ALG6: variants seen among roughly 807,000 people sequenced by gnomAD.
The protein encoded by ALG6 is dolichyl pyrophosphate Man9GlcNAc2 alpha-1,3-glucosyltransferase.
In ALG6, 46 loss-of-function variants were observed where a neutral mutation model predicts 66.6. The ratio of observed to expected loss-of-function variants is 0.69; its 90% CI spans 0.55 to 0.88. The LOEUF is 0.88. ALG6 is among the 40% of genes least tolerant of loss of function. The pLI, the probability that ALG6 is intolerant of heterozygous loss-of-function variation, is 0.00. For synonymous variants in ALG6, 185 were observed against 203.7 expected (o/e 0.91, Z 0.78); for missense variants, 505 against 586.8 (o/e 0.86, Z 1.44).
intron 2 of ALG6, among the ~76,000 whole-genome samples, chr1:63,381,176 C>T (rs35713007): frequency 0.14 from 20,770 of 151,800 alleles, 1,543 homozygotes; most frequent in Middle Eastern, 0.25. Flanking sequence ...AAAAATTGGC[C>T]AGGCGCGGTG....
At chr1:63,394,620 G>A (rs1648764997) in intron 2 of ALG6, among the ~76,000 whole-genome samples, 1 of 151,960 alleles carries the variant, frequency 6.6e-6, no homozygotes, top group African/African-American at 2.4e-5. Flanking sequence ...CACCCACCTC[G>A]GCCTCCCAAA....
At position 63,422,047 on chromosome 1, in the gene ALG6, A is replaced by ATATATAAATATCTATTTATATAAATATC. The variant is rs1557594653; in HGVS notation, c.1058+2618_1058+2645dup. ...ATACATATATGTATATATATAATTT[A>ATATATAAATATCTATTTATATAAATATC]TATATAAATATCTATTTATATAAAT... On this transcript the variant is annotated intron_variant, in intron 12 of 14. Coordinates refer to ENST00000263440, the MANE Select transcript of ALG6 (RefSeq NM_013339.4). Among the ~76,000 whole-genome samples the ATATATAAATATCTATTTATATAAATATC allele has an allele frequency of 3.6e-5, 5 of 140,562 alleles. No individual in the cohort carries two copies. The East Asian group carries it at 7.9e-4, about 22-fold the overall frequency. The allele number at this position is 140,562 out of a possible 152,430, so 92.2% of individuals were successfully genotyped here.
intron 14 of ALG6, among the ~76,000 whole-genome samples, chr1:63,434,878 A>G (rs2100446191): frequency 6.6e-6 from 1 of 152,340 alleles, no homozygotes; most frequent in East Asian, 1.9e-4. Context: ...CGTAGGGGAC[A>G]TGAGGAACCA....
intron 12 of ALG6, among the ~76,000 whole-genome samples, chr1:63,427,880 C>T (rs998948011): frequency 2.7e-5 from 4 of 149,174 alleles, no homozygotes; most frequent in African/African-American, 7.5e-5. Context: ...GATCTCAGCT[C>T]ACTGCAACCT....
intron 12 of ALG6, among the ~76,000 whole-genome samples, chr1:63,427,167 A>ATTT (rs534868219): frequency 7.4e-6 from 1 of 134,294 alleles, no homozygotes; most frequent in Non-Finnish European, 1.6e-5. Flanking sequence ...TGTCCAGCTA[A>ATTT]TTTTTTTTTT....
At chr1:63,373,895 T>TATAG (rs1269806641) in intron 2 of ALG6, among the ~76,000 whole-genome samples, 3 of 152,090 alleles carry the variant, frequency 2.0e-5, no homozygotes, top group African/African-American at 7.2e-5. Flanking sequence ...GTACTGGGAT[T>TATAG]ATAGGTGTGA....
At chr1:63,387,437 G>A (rs1169923123) in intron 2 of ALG6, among the ~76,000 whole-genome samples, 1 of 150,730 alleles carries the variant, frequency 6.6e-6, no homozygotes, top group African/African-American at 2.4e-5. Context: ...ATATATCTAG[G>A]TGCTCCAGTG....
At chr1:63,390,861 G>A (rs557447212) in intron 2 of ALG6, among the ~76,000 whole-genome samples, 1 of 152,316 alleles carries the variant, frequency 6.6e-6, no homozygotes, top group South Asian at 2.1e-4. Context: ...CCATGCAGCT[G>A]CTGCTGGGGA....
chr1:63,433,663 C>T lies in ALG6; in HGVS notation c.1327-3160C>T, dbSNP rs114613339. Among the ~76,000 whole-genome samples, 610 of 152,272 alleles carry T rather than the reference C, an allele frequency of 4.0e-3. 5 individuals are homozygous for T. Among genetic ancestry groups the T allele is most frequent in the African/African-American group, 0.014 (569 of 41,548 alleles). ...GGTCCAGTAATCTTAAGGTGAGGACCGCTATGGGCTCCCAGATTTATTTGT... is the reference window on the plus strand; with the variant it reads ...GGTCCAGTAATCTTAAGGTGAGGACTGCTATGGGCTCCCAGATTTATTTGT... On this transcript the variant is annotated intron_variant, in intron 14 of 14. Coordinates refer to ENST00000263440, the MANE Select transcript of ALG6 (RefSeq NM_013339.4). This position sits in a 1 kb window ranked among gnomAD's most constrained non-coding sequence, Gnocchi z 4.2.
At position 63,404,670 on chromosome 1, in the gene ALG6, A is replaced by G. The variant is rs1570063365; in HGVS notation, c.346+129A>G. On this transcript the variant is annotated intron_variant, in intron 5 of 14. Transcript: ENST00000263440. ...ATTACACAAACACATATATTTACAA[A>G]TATACATATTTGTATACATGATCCA... 6.8e-5 allele frequency: 52 copies of G among 759,428 alleles called. 1 individual carries two copies. The East Asian group carries it at 1.3e-3, about 20-fold the overall frequency. The allele number at this position is 759,428 out of a possible 1,614,324, so 47.0% of individuals were successfully genotyped here. A position where few individuals can be genotyped will look rare whatever the true frequency, so the allele number is the denominator to read the frequency against.
intron 14 of ALG6, among the ~76,000 whole-genome samples, chr1:63,434,604 T>G (rs989434591): frequency 1.5e-5 from 1 of 66,950 alleles, no homozygotes; most frequent in African/African-American, 4.8e-5. Context: ...AAACCTGGAG[T>G]TTTTTTGCGA....
chr1:63,368,514 T>A (rs974417979), intron 1 of ALG6, among the ~76,000 whole-genome samples: 11 of 151,816 alleles, frequency 7.2e-5, no homozygotes, highest in East Asian at 1.9e-4. Flanking sequence ...TTTTTTTTTT[T>A]AATTGAGACA....
chr1:63,432,794 TCTCA>T (rs1644654226), intron 14 of ALG6, among the ~76,000 whole-genome samples: 1 of 152,220 alleles, frequency 6.6e-6, no homozygotes, highest in African/African-American at 2.4e-5. Context: ...TGAGACAGGA[TCTCA>T]CTCTGTTGCC....
intron 2 of ALG6, among the ~76,000 whole-genome samples, chr1:63,372,107 C>A (rs1647946233): frequency 6.6e-6 from 1 of 152,108 alleles, no homozygotes; most frequent in Non-Finnish European, 1.5e-5. Flanking sequence ...TTATAGAGTG[C>A]AGGAACTTGT....
At chr1:63,418,272 T>C in intron 11 of ALG6, among the ~76,000 whole-genome samples, 1 of 148,454 alleles carries the variant, frequency 6.7e-6, no homozygotes, top group East Asian at 1.9e-4. Context: ...TATTATTAAA[T>C]ATTAAATTTA....
rs185591637 is a variant in ALG6 at position 63,391,722 on chromosome 1, A to G, written c.83-4791A>G. ...TTCCTCCTTTGGAAATGTATGTATT[A>G]TTTAGGAAAATGGCTTATGTATATT... On this transcript the variant is annotated intron_variant, in intron 2 of 14. Transcript: ENST00000263440. 5.4e-4 allele frequency among the ~76,000 whole-genome samples: 82 copies of G among 152,350 alleles called. 1 individual carries two copies. The highest frequency in any genetic ancestry group is 1.9e-3 in the African/African-American group (77 of 41,584).
intron 9 of ALG6, chr1:63,413,846 A>G: frequency 6.3e-6 from 3 of 474,924 alleles, no homozygotes; most frequent in East Asian, 3.9e-5. Context: ...TGGTGGGCCA[A>G]TGCTTTTGAT....
At chr1:63,389,482 G>A (rs1648603391) in intron 2 of ALG6, among the ~76,000 whole-genome samples, 1 of 151,992 alleles carries the variant, frequency 6.6e-6, no homozygotes, top group African/African-American at 2.4e-5. Context: ...TTCCTTCTCT[G>A]TTATATCTTG....
At chr1:63,405,957 A>G (rs1644488108) in intron 5 of ALG6, among the ~76,000 whole-genome samples, 1 of 152,034 alleles carries the variant, frequency 6.6e-6, no homozygotes, top group Non-Finnish European at 1.5e-5. Flanking sequence ...CTTACACATC[A>G]CTACATTTCA....
Sources: gnomAD v4.1 joint callset for allele counts (sites outside exome capture counted in the v4.1 genomes callset) on GRCh38, gnomAD v4.1.1 for gene constraint, Gnocchi (gnomAD v3.1) non-coding constraint, MANE v1.5 for transcripts, NCBI Gene and HGNC (gene_info 2026-07-23, HGNC 2026-07-21) for gene names.